Variants in TMOD3 observed in about 807,000 individuals in gnomAD.
TMOD3 encodes the protein tropomodulin 3, also known as tropomodulin-3.
In TMOD3, 20 loss-of-function variants were observed where a neutral mutation model predicts 39.2. That is an observed-to-expected ratio of 0.51 (90% CI 0.36 to 0.74). The LOEUF is 0.74. TMOD3 is among the 30% of genes least tolerant of loss of function. TMOD3 has a pLI of 0.00. For missense variants in TMOD3, 381 were observed against 412.8 expected (o/e 0.92, Z 0.67); for synonymous variants, 143 against 145.8 (o/e 0.98, Z 0.14).
intron 1 of TMOD3, among the ~76,000 whole-genome samples, chr15:51,845,289 G>A (rs756935649): frequency 2.0e-5 from 3 of 152,178 alleles, no homozygotes; most frequent in Non-Finnish European, 4.4e-5. Context: ...GATTTGCCGT[G>A]TTTGTCATGG....
At chr15:51,869,092 CA>C in intron 2 of TMOD3, 124 bp from the exon 3 acceptor site, 3 of 990,102 alleles carry the variant, frequency 3.0e-6, no homozygotes, top group Non-Finnish European at 4.4e-6. Context: ...TAAAATCCTG[CA>C]ATGAAGTGTT....
chr15:51,854,754 A>C (rs1316691368), intron 1 of TMOD3, among the ~76,000 whole-genome samples: 3 of 152,216 alleles, frequency 2.0e-5, no homozygotes, highest in African/African-American at 4.8e-5. Context: ...GATAAATATA[A>C]ATGTAAATAT....
intron 2 of TMOD3, among the ~76,000 whole-genome samples, chr15:51,868,746 C>T (rs144251547): frequency 5.9e-4 from 90 of 152,252 alleles, no homozygotes; most frequent in African/African-American, 1.9e-3. Flanking sequence ...CCGAGGAGGG[C>T]AGATCATCTG....
At chr15:51,890,192 G>A (rs139647526) in intron 5 of TMOD3, among the ~76,000 whole-genome samples, 4,644 of 144,810 alleles carry the variant, frequency 0.032, 110 homozygotes, top group Non-Finnish European at 0.05. Flanking sequence ...TTTTGGAAAC[G>A]GAGTCTTGCT....
intron 3 of TMOD3, among the ~76,000 whole-genome samples, chr15:51,877,080 A>T (rs532641335): frequency 4.3e-4 from 65 of 152,172 alleles, no homozygotes; most frequent in Non-Finnish European, 2.2e-4. Flanking sequence ...ATAAAGAAAA[A>T]GTCTTCTATG....
chr15:51,888,515 C>T (rs1444555312), intron 4 of TMOD3, among the ~76,000 whole-genome samples: 1 of 152,158 alleles, frequency 6.6e-6, no homozygotes, highest in African/African-American at 2.4e-5. Context: ...ACAAGGGCAT[C>T]AAAAACTAAA....
At chr15:51,854,671 GA>G (rs1480988611) in intron 1 of TMOD3, among the ~76,000 whole-genome samples, 1 of 152,096 alleles carries the variant, frequency 6.6e-6, no homozygotes, top group African/African-American at 2.4e-5. Flanking sequence ...CCTTTTAAAG[GA>G]AAAAAGCTGT....
chr15:51,834,290 A>T (rs1052914449), intron 1 of TMOD3, among the ~76,000 whole-genome samples: 2 of 152,048 alleles, frequency 1.3e-5, no homozygotes, highest in African/African-American at 2.4e-5. Context: ...ATTTTTATAA[A>T]GTCTGTTTTA....
chr15:51,850,567 G>A (rs926516701), intron 1 of TMOD3, among the ~76,000 whole-genome samples: 1 of 152,188 alleles, frequency 6.6e-6, no homozygotes, highest in African/African-American at 2.4e-5. Context: ...GAGAGTAGGA[G>A]AGTGACTGGA....
At chr15:51,838,454 G>A (rs2056297229) in intron 1 of TMOD3, among the ~76,000 whole-genome samples, 1 of 152,064 alleles carries the variant, frequency 6.6e-6, no homozygotes, top group South Asian at 2.1e-4. Context: ...GGCAGAGCTG[G>A]GAGTTGTACT....
intron 1 of TMOD3, chr15:51,859,747 C>T (rs933379037): frequency 6.1e-6 from 3 of 493,644 alleles, no homozygotes; most frequent in African/African-American, 4.0e-5. Context: ...TCAGCACATG[C>T]ACCTTCATCT....
intron 1 of TMOD3, chr15:51,859,821 C>G (rs946826910): frequency 1.4e-5 from 7 of 514,076 alleles, no homozygotes; most frequent in African/African-American, 1.4e-4. Flanking sequence ...CTAGAGCTTT[C>G]CTCAGGAAGT....
chr15:51,860,319 C>T (rs886264200), intron 1 of TMOD3: 24 of 535,922 alleles, frequency 4.5e-5, no homozygotes, highest in Admixed American at 1.2e-4. Flanking sequence ...ATAGATGATC[C>T]GTGCCAATTT....
intron 7 of TMOD3, among the ~76,000 whole-genome samples, chr15:51,898,273 C>G (rs2056631507): frequency 6.6e-6 from 1 of 152,194 alleles, no homozygotes; most frequent in Non-Finnish European, 1.5e-5. Flanking sequence ...CTTGAACTTT[C>G]TTCCTAAAAT....
chr15:51,889,536 T>C (rs904236450), intron 5 of TMOD3, among the ~76,000 whole-genome samples: 2 of 152,164 alleles, frequency 1.3e-5, no homozygotes, highest in Non-Finnish European at 2.9e-5. Flanking sequence ...CCTTTCAGTC[T>C]GATGTGAAGT....
chr15:51,877,543 G>T (rs940979190), intron 3 of TMOD3, among the ~76,000 whole-genome samples: 14 of 152,132 alleles, frequency 9.2e-5, no homozygotes, highest in Non-Finnish European at 2.1e-4. Flanking sequence ...AGCTGGGTGT[G>T]GTGGCGGGCG....
intron 5 of TMOD3, among the ~76,000 whole-genome samples, chr15:51,889,589 G>A (rs2056582121): frequency 6.6e-6 from 1 of 152,184 alleles, no homozygotes. Context: ...CTCATTTATA[G>A]GGGCCAGGTG....
At chr15:51,878,949 C>T (rs2056518922) in intron 3 of TMOD3, among the ~76,000 whole-genome samples, 1 of 152,178 alleles carries the variant, frequency 6.6e-6, no homozygotes, top group Non-Finnish European at 1.5e-5. Context: ...TTTATATACT[C>T]AGCAAGGGTG....
At chr15:51,840,534 CAG>C (rs890870003) in intron 1 of TMOD3, among the ~76,000 whole-genome samples, 1 of 152,052 alleles carries the variant, frequency 6.6e-6, no homozygotes, top group African/African-American at 2.4e-5. Context: ...GATGAGAAAA[CAG>C]AGGGACAAAA....
Sources: allele counts gnomAD v4.1 joint callset (sites outside exome capture counted in the v4.1 genomes callset), GRCh38; gene constraint gnomAD v4.1.1; transcripts MANE v1.5; gene names NCBI Gene and HGNC (gene_info 2026-07-23, HGNC 2026-07-21).